LMO3: variants seen among roughly 807,000 people sequenced by gnomAD.
LMO3 encodes the protein LIM domain only protein 3.
LMO3 carries 2 observed loss-of-function variants against 15.8 expected under a neutral mutation model. The observed-to-expected ratio is 0.13, with a 90% confidence interval of 0.05 to 0.40. The LOEUF is 0.40. Ranked by LOEUF, LMO3 falls within the 10% of genes least tolerant of loss-of-function variation. The pLI, the probability that LMO3 is intolerant of heterozygous loss-of-function variation, is 0.99. For missense variants in LMO3, 86 were observed against 182.2 expected (o/e 0.47, Z 3.04); for synonymous variants, 62 against 63.8 (o/e 0.97, Z 0.13).
At chr12:16,600,967 T>C in intron 1 of LMO3, 99 bp from the exon 2 acceptor site, 2 of 915,732 alleles carry the variant, frequency 2.2e-6, no homozygotes, top group South Asian at 3.5e-5. Context: ...ATTCTAGGAG[T>C]GTTAGCTTTT....
intron 2 of LMO3, among the ~76,000 whole-genome samples, chr12:16,572,311 CTA>C (rs1350759946): frequency 7.6e-6 from 1 of 132,022 alleles, no homozygotes; most frequent in Non-Finnish European, 1.6e-5. Context: ...TAAACATTCT[CTA>C]TGTTTTCTGC....
chr12:16,560,968 G>T lies in LMO3; in HGVS notation c.207-430C>A, dbSNP rs1382157106. On this transcript the variant is annotated intron_variant, in intron 2 of 3. Coordinates refer to ENST00000537304, the MANE Select transcript of LMO3 (RefSeq NM_018640.5). This position sits in a 1 kb window ranked among gnomAD's most constrained non-coding sequence, Gnocchi z 5.0. ...CTTTTTGACATTTAGTTACTAAAAGGTTTGCCATTATTATTAAAAATACAT... is the reference window on the plus strand; with the variant it reads ...CTTTTTGACATTTAGTTACTAAAAGTTTTGCCATTATTATTAAAAATACAT... Among the ~76,000 whole-genome samples, 6 of 152,024 alleles carry T rather than the reference G, an allele frequency of 3.9e-5. No individual in the cohort carries two copies. The highest frequency in any genetic ancestry group is 1.2e-4 in the African/African-American group (5 of 41,402).
At chr12:16,590,280 GT>G (rs1391956988) in intron 2 of LMO3, among the ~76,000 whole-genome samples, 4 of 152,042 alleles carry the variant, frequency 2.6e-5, no homozygotes, top group African/African-American at 9.7e-5. Flanking sequence ...TAGGTTAGTG[GT>G]GAGAAATATA....
intron 2 of LMO3, among the ~76,000 whole-genome samples, chr12:16,567,917 TG>T: frequency 1.3e-5 from 2 of 152,246 alleles, no homozygotes; most frequent in East Asian, 3.9e-4. Flanking sequence ...TTGGACTTAC[TG>T]AGTAGCGATC....
upstream of LMO3, chr12:16,606,430 G>A (rs1944005297): frequency 6.6e-6 from 1 of 152,338 alleles, no homozygotes; most frequent in Non-Finnish European, 1.5e-5. Context: ...TACAGCCAAA[G>A]AAAAGGTCAC....
chr12:16,567,197 AAAAC>A (rs145977478), intron 2 of LMO3, among the ~76,000 whole-genome samples: 53,302 of 151,308 alleles, frequency 0.35, 9,849 homozygotes, highest in African/African-American at 0.47. Context: ...ACTCCACCTC[AAAAC>A]AAACAAACAA....
chr12:16,556,966 G>C (rs1942214972), intron 3 of LMO3, among the ~76,000 whole-genome samples: 1 of 152,164 alleles, frequency 6.6e-6, no homozygotes. Flanking sequence ...TACTAGAATA[G>C]TATTTCGCAG....
intron 2 of LMO3, among the ~76,000 whole-genome samples, chr12:16,561,024 ACATAGAGGCG>A (rs772353137): frequency 3.9e-5 from 6 of 152,168 alleles, no homozygotes; most frequent in Non-Finnish European, 7.4e-5. Flanking sequence ...TAGTCAAAAA[ACATAGAGGCG>A]CATGCATGCA....
intron 2 of LMO3, 86 bp downstream of exon 2, chr12:16,600,569 A>C: frequency 4.3e-6 from 5 of 1,160,988 alleles, no homozygotes; most frequent in Non-Finnish European, 6.3e-6. Flanking sequence ...GGCAGTAAGG[A>C]AATGAAACAA....
intron 2 of LMO3, among the ~76,000 whole-genome samples, chr12:16,566,466 C>T (rs369401795): frequency 6.6e-6 from 1 of 151,798 alleles, no homozygotes; most frequent in Admixed American, 6.6e-5. Context: ...TTGAACTACC[C>T]TAATTAGATC....
chr12:16,551,351 A>AT, intron 3 of LMO3, 24 bp from the exon 4 acceptor site: 1 of 1,387,116 alleles, frequency 7.2e-7, no homozygotes, highest in African/African-American at 1.4e-5. Flanking sequence ...AAACAATAAA[A>AT]TGTGGTTAAG....
chr12:16,590,533 G>A (rs544767613), intron 2 of LMO3, among the ~76,000 whole-genome samples: 25 of 151,618 alleles, frequency 1.6e-4, no homozygotes, highest in Non-Finnish European at 2.8e-4. Flanking sequence ...CTAGAATAGC[G>A]GACTTCAAGA....
chr12:16,560,557 T>G lies in LMO3; in HGVS notation c.207-19A>C. On this transcript the variant is annotated intron_variant, in intron 2 of 3. Coordinates refer to ENST00000537304, the MANE Select transcript of LMO3 (RefSeq NM_018640.5). This position sits in a 1 kb window ranked among gnomAD's most constrained non-coding sequence, Gnocchi z 5.0. ...AAAGAGCCTAGAATAAGAAACATTT[T>G]TTTTTTTTTACAAACTCTTACAGAG... 1 of 1,601,218 alleles carries G rather than the reference T, an allele frequency of 6.2e-7. No individual in the cohort carries two copies. Among genetic ancestry groups the G allele is most frequent in the Non-Finnish European group, 8.5e-7 (1 of 1,175,794 alleles).
chr12:16,600,923 G>T, intron 1 of LMO3, 55 bp from the exon 2 acceptor site: 3 of 1,257,696 alleles, frequency 2.4e-6, no homozygotes, highest in Middle Eastern at 2.3e-4. Context: ...AGAATAAAAA[G>T]ACCTCAAACA....
Position 16,596,225 on chromosome 12 carries a change from T to C in LMO3, c.206+4430A>G, listed in dbSNP as rs144317294. Among the ~76,000 whole-genome samples the C allele has an allele frequency of 6.6e-6, 1 of 151,600 alleles. No homozygotes were observed. Among genetic ancestry groups the C allele is most frequent in the African/African-American group, 2.4e-5 (1 of 41,404 alleles). ...AAGCCTATAAAATTTGTAGTCAGCA[T>C]AGCAAGCTTCAAATCATTTTAGTTA... On this transcript the variant is annotated intron_variant, in intron 2 of 3. Transcript: ENST00000537304. This position sits in a 1 kb window ranked among gnomAD's most constrained non-coding sequence, Gnocchi z 4.3.
rs1463690748 is a variant in LMO3, at chr12:16,549,029, TAAAC to T, written c.*2189_*2192del. The T allele has an allele frequency of 6.6e-6, 1 of 152,120 alleles. No homozygotes were observed. Among genetic ancestry groups the T allele is most frequent in the East Asian group, 1.9e-4 (1 of 5,186 alleles). 9.4% of individuals were successfully genotyped at this position (152,120 alleles called of 1,614,324 possible). ...ATTTACAAGTATTTTGACATATAGA[TAAAC>T]AAAAGCAAAACCAGTTAAACCTTAA... On this transcript the variant is annotated 3_prime_UTR_variant, in exon 4 of 4. Transcript: ENST00000537304.
In LMO3 at chr12:16,559,073, T is replaced by G. The variant is rs771272672; in HGVS notation, c.332+1340A>C. ...TATTCTACAGGGTCTCATAAGAAGA[T>G]TCTGCATCAAATAGTACCTTTCAGA... On this transcript the variant is annotated intron_variant, in intron 3 of 3. Transcript: ENST00000537304. This position sits in a 1 kb window ranked among gnomAD's most constrained non-coding sequence, Gnocchi z 4.1. 6.6e-6 allele frequency among the ~76,000 whole-genome samples: 1 copy of G among 152,192 alleles called. No homozygotes were observed. Among genetic ancestry groups the G allele is most frequent in the Non-Finnish European group, 1.5e-5 (1 of 68,012 alleles).
rs1194201462 is a variant in LMO3 at position 16,597,559 on chromosome 12, TA to T, written c.206+3095del. ...CTAAATGTAATTGGCAAAAATATTT[TA>T]CTTTTCACTGTATGTAAAAAATTAT... On this transcript the variant is annotated intron_variant, in intron 2 of 3. Transcript: ENST00000537304. This position sits in a 1 kb window ranked among gnomAD's most constrained non-coding sequence, Gnocchi z 5.0. 6.6e-6 allele frequency: 1 copy of T among 151,870 alleles called. No individual in the cohort carries two copies. The highest frequency in any genetic ancestry group is 2.4e-5 in the African/African-American group (1 of 41,428). The allele number at this position is 151,870 out of a possible 1,614,324, so 9.4% of individuals were successfully genotyped here.
chr12:16,582,767 G>A lies in LMO3; in HGVS notation c.206+17888C>T, dbSNP rs531642684. ...ACGCCCAGAAAAGAATCAGAACTAG[G>A]CCGGGCACGGTGGCCCATGCCTGTA... On this transcript the variant is annotated intron_variant, in intron 2 of 3. Transcript: ENST00000537304. This position sits in a 1 kb window ranked among gnomAD's most constrained non-coding sequence, Gnocchi z 4.1. 4.6e-5 allele frequency among the ~76,000 whole-genome samples: 7 copies of A among 152,276 alleles called. No homozygotes were observed. The South Asian group carries it at 1.5e-3, about 32-fold the overall frequency.
Sources: allele counts gnomAD v4.1 joint callset (sites outside exome capture counted in the v4.1 genomes callset), GRCh38; gene constraint gnomAD v4.1.1; non-coding constraint Gnocchi (gnomAD v3.1); transcripts MANE v1.5; gene names NCBI Gene and HGNC (gene_info 2026-07-23, HGNC 2026-07-21).